WWOX: variants seen among roughly 807,000 people sequenced by gnomAD.
WWOX encodes WW domain-containing oxidoreductase.
WWOX carries 69 observed loss-of-function variants against 46.2 expected under a neutral mutation model. The ratio of observed to expected loss-of-function variants is 1.49; its 90% CI spans 1.23 to 1.82. The LOEUF (loss-of-function observed/expected upper bound fraction) is 1.82. WWOX is among the 40% of genes most tolerant of loss of function. The probability of loss-of-function intolerance (pLI) is 0.00; values close to 1 mark genes in which losing one functional copy is unlikely to be tolerated. For missense variants in WWOX, 919 were observed against 542.6 expected (o/e 1.69, Z -6.89); for synonymous variants, 359 against 202.6 (o/e 1.77, Z -6.56).
chr16:78,993,549 T>A (rs1417395104), intron 8 of WWOX, among the ~76,000 whole-genome samples: 2 of 152,160 alleles, frequency 1.3e-5, no homozygotes, highest in African/African-American at 2.4e-5. Context: ...TACAGTGTTA[T>A]CAGCTGCGGG....
At chr16:79,076,034 G>C (rs566413283) in intron 8 of WWOX, among the ~76,000 whole-genome samples, 4 of 152,238 alleles carry the variant, frequency 2.6e-5, no homozygotes, top group South Asian at 4.1e-4. Flanking sequence ...AGTATATGTA[G>C]AACCATTTTC....
Position 78,670,843 on chromosome 16 carries a change from T to G in WWOX, c.1056+238091T>G, listed in dbSNP as rs190386850. On this transcript the variant is annotated intron_variant, in intron 8 of 8. Coordinates refer to ENST00000566780, the MANE Select transcript of WWOX (RefSeq NM_016373.4). ...AAGGTCTTTATAGATGTAACTGAAA[T>G]AAAGATAGAGATGTGAATGTGATCG... Among the ~76,000 whole-genome samples, 7 of 151,570 alleles carry G rather than the reference T, an allele frequency of 4.6e-5. No homozygotes were observed. The East Asian group carries it at 1.4e-3, about 30-fold the overall frequency.
intron 8 of WWOX, among the ~76,000 whole-genome samples, chr16:78,756,695 C>A (rs7198697): frequency 0.58 from 88,043 of 151,954 alleles, 25,859 homozygotes; most frequent in South Asian, 0.66. Flanking sequence ...GTTAAACTAC[C>A]ATTAAGCAAC....
chr16:78,387,247 A>C (rs899297948), intron 6 of WWOX, among the ~76,000 whole-genome samples: 1 of 152,198 alleles, frequency 6.6e-6, no homozygotes, highest in Non-Finnish European at 1.5e-5. Flanking sequence ...TCCTGATTAT[A>C]AGATTTTTTG....
chr16:78,898,957 C>T (rs1034690960), intron 8 of WWOX: 1 of 152,104 alleles, frequency 6.6e-6, no homozygotes, highest in Admixed American at 6.5e-5. Context: ...GCAAACTGCT[C>T]TCATATCCTG....
intron 5 of WWOX, among the ~76,000 whole-genome samples, chr16:78,226,007 T>C (rs9938036): frequency 0.12 from 18,832 of 152,212 alleles, 1,311 homozygotes; most frequent in South Asian, 0.25. Context: ...TTACTGGTAC[T>C]TCTGCATCTT....
chr16:78,909,360 A>C (rs1179771777), intron 8 of WWOX, among the ~76,000 whole-genome samples: 1 of 152,176 alleles, frequency 6.6e-6, no homozygotes, highest in South Asian at 2.1e-4. Flanking sequence ...TTCGAGCCTC[A>C]TGTATTCTCT....
chr16:78,295,121 A>G (rs1239431882), intron 5 of WWOX, among the ~76,000 whole-genome samples: 1 of 152,078 alleles, frequency 6.6e-6, no homozygotes, highest in Non-Finnish European at 1.5e-5. Context: ...CAGGAGTCTC[A>G]TGTCCCCTTG....
At chr16:78,754,803 C>T (rs994050377) in intron 8 of WWOX, among the ~76,000 whole-genome samples, 2 of 152,136 alleles carry the variant, frequency 1.3e-5, no homozygotes, top group Admixed American at 6.5e-5. Context: ...AAGGCCTCTA[C>T]TTATAGATCT....
At chr16:78,426,971 A>G (rs988250549) in intron 7 of WWOX, among the ~76,000 whole-genome samples, 1 of 152,124 alleles carries the variant, frequency 6.6e-6, no homozygotes, top group Non-Finnish European at 1.5e-5. Flanking sequence ...CTCTTTGCAC[A>G]TTATTTAAGG....
chr16:79,058,330 G>C (rs540694545), intron 8 of WWOX, among the ~76,000 whole-genome samples: 4 of 152,116 alleles, frequency 2.6e-5, no homozygotes, highest in African/African-American at 9.6e-5. Context: ...GTTGGTGTGA[G>C]GCTAAAATAA....
At chr16:78,866,644 G>A (rs1317007099) in intron 8 of WWOX, among the ~76,000 whole-genome samples, 1 of 152,196 alleles carries the variant, frequency 6.6e-6, no homozygotes, top group Non-Finnish European at 1.5e-5. Context: ...GGCTCCTGGC[G>A]GTGTTTTTGT....
intron 8 of WWOX, among the ~76,000 whole-genome samples, chr16:79,097,543 T>C (rs1477955839): frequency 6.6e-6 from 1 of 152,136 alleles, no homozygotes; most frequent in Non-Finnish European, 1.5e-5. Flanking sequence ...TCTAATGTCT[T>C]TTGTTTGTAT....
chr16:79,070,729 A>G (rs1449917602), intron 8 of WWOX, among the ~76,000 whole-genome samples: 1 of 152,214 alleles, frequency 6.6e-6, no homozygotes, highest in Non-Finnish European at 1.5e-5. Flanking sequence ...CTTCAAGTGG[A>G]TAATTCAAAT....
intron 8 of WWOX, among the ~76,000 whole-genome samples, chr16:78,612,332 T>C (rs1377997465): frequency 6.6e-6 from 1 of 152,216 alleles, no homozygotes. Flanking sequence ...ACAAGCTCTT[T>C]GTGTCCATAC....
intron 8 of WWOX, among the ~76,000 whole-genome samples, chr16:78,775,650 T>C (rs1185229975): frequency 6.6e-6 from 1 of 152,180 alleles, no homozygotes; most frequent in Non-Finnish European, 1.5e-5. Flanking sequence ...GTCTTTCTTA[T>C]AGATGGGACA....
intron 8 of WWOX, among the ~76,000 whole-genome samples, chr16:78,832,031 C>A (rs1225075862): frequency 6.6e-6 from 1 of 152,206 alleles, no homozygotes; most frequent in Non-Finnish European, 1.5e-5. Flanking sequence ...TGCTGCCTAA[C>A]AAATTACCCC....
chr16:78,749,383 C>T (rs1167782005), intron 8 of WWOX, among the ~76,000 whole-genome samples: 1 of 152,074 alleles, frequency 6.6e-6, no homozygotes, highest in Non-Finnish European at 1.5e-5. Flanking sequence ...TGAATACAGC[C>T]TTTTGCATTA....
At chr16:78,544,250 C>T (rs1412012968) in intron 8 of WWOX, among the ~76,000 whole-genome samples, 10 of 152,184 alleles carry the variant, frequency 6.6e-5, no homozygotes, top group Non-Finnish European at 1.2e-4. Flanking sequence ...AATTGTAAAA[C>T]AGTAGATGTC....
Sources: gnomAD v4.1 joint callset for allele counts (sites outside exome capture counted in the v4.1 genomes callset) on GRCh38, gnomAD v4.1.1 for gene constraint, MANE v1.5 for transcripts, NCBI Gene and HGNC (gene_info 2026-07-23, HGNC 2026-07-21) for gene names.